LRRTM3: variants seen among roughly 807,000 people sequenced by gnomAD.
LRRTM3 encodes leucine-rich repeat transmembrane neuronal protein 3.
Under a neutral mutation model 44.7 loss-of-function variants are expected in LRRTM3, and 24 were observed. The observed-to-expected ratio is 0.54, with a 90% CI of 0.39 to 0.76. The LOEUF is 0.76. Among genes scored for constraint, LRRTM3 ranks in the 30% least tolerant of loss-of-function variants. The pLI is 0.00. For synonymous variants in LRRTM3, 277 were observed against 278.7 expected (o/e 0.99, Z 0.06); for missense variants, 587 against 702.2 (o/e 0.84, Z 1.85).
At chr10:66,943,532 T>C (rs1848129008) in intron 2 of LRRTM3, among the ~76,000 whole-genome samples, 1 of 139,570 alleles carries the variant, frequency 7.2e-6, no homozygotes, top group Non-Finnish European at 1.6e-5. Context: ...TTTTTTTTTT[T>C]CAGTATTAGC....
At chr10:67,037,515 G>C (rs1005469047) in intron 2 of LRRTM3, among the ~76,000 whole-genome samples, 1 of 152,242 alleles carries the variant, frequency 6.6e-6, no homozygotes. Context: ...TTAGGTAGAG[G>C]AGTGATCATC....
At chr10:67,039,100 C>G (rs1854243280) in intron 2 of LRRTM3, among the ~76,000 whole-genome samples, 1 of 151,982 alleles carries the variant, frequency 6.6e-6, no homozygotes, top group Non-Finnish European at 1.5e-5. Flanking sequence ...GTCATTTGCT[C>G]TATAATAATA....
intron 2 of LRRTM3, among the ~76,000 whole-genome samples, chr10:67,022,049 T>C (rs1853051812): frequency 6.6e-6 from 1 of 152,208 alleles, no homozygotes; most frequent in African/African-American, 2.4e-5. Flanking sequence ...GTACGAAGTG[T>C]ATTTCTGAAG....
intron 2 of LRRTM3, among the ~76,000 whole-genome samples, chr10:67,020,999 C>T (rs1852975695): frequency 6.6e-6 from 1 of 152,112 alleles, no homozygotes; most frequent in South Asian, 2.1e-4. Flanking sequence ...GTCTGAGATA[C>T]CAACTGAAGA....
chr10:66,949,094 T>C (rs370926541), intron 2 of LRRTM3, among the ~76,000 whole-genome samples: 2 of 152,248 alleles, frequency 1.3e-5, no homozygotes, highest in Non-Finnish European at 2.9e-5. Flanking sequence ...ATAATCTGCA[T>C]TGATAACATT....
At chr10:67,095,066 G>A (rs61868862) in intron 2 of LRRTM3, among the ~76,000 whole-genome samples, 82,436 of 150,256 alleles carry the variant, frequency 0.55, 24,185 homozygotes, top group African/African-American at 0.77. Context: ...ATCTGTATGT[G>A]TGTACCCCTA....
rs139302041 is a variant in LRRTM3 at position 67,100,695 on chromosome 10, G to T, written c.*2899G>T. On this transcript the variant is annotated 3_prime_UTR_variant, in exon 3 of 3. Coordinates refer to ENST00000361320, the MANE Select transcript of LRRTM3 (RefSeq NM_178011.5). ...ATGGTTACAATAACAGCCAGCAGCT[G>T]CAGCAAACCATAAAGTTATGCAGTG... Among the ~76,000 whole-genome samples the T allele has an allele frequency of 3.3e-5, 5 of 151,736 alleles. No individual in the cohort carries two copies. The highest frequency in any genetic ancestry group is 9.6e-5 in the African/African-American group (4 of 41,488).
At chr10:67,049,844 A>G (rs1355952928) in intron 2 of LRRTM3, among the ~76,000 whole-genome samples, 11 of 152,222 alleles carry the variant, frequency 7.2e-5, no homozygotes, top group Admixed American at 1.3e-4. Flanking sequence ...TATTACAAAT[A>G]TAGTAATATA....
chr10:67,020,340 C>A (rs1011988030), intron 2 of LRRTM3, among the ~76,000 whole-genome samples: 2 of 152,104 alleles, frequency 1.3e-5, no homozygotes, highest in South Asian at 4.1e-4. Context: ...AGCACAAGGG[C>A]TTCTTTATAT....
At chr10:66,979,830 TG>T (rs1249351702) in intron 2 of LRRTM3, among the ~76,000 whole-genome samples, 1 of 152,162 alleles carries the variant, frequency 6.6e-6, no homozygotes, top group African/African-American at 2.4e-5. Context: ...TTGAAAGAAC[TG>T]ACATTTCCTG....
Position 66,954,145 on chromosome 10 carries a change from A to G in LRRTM3, c.1536+25693A>G, listed in dbSNP as rs529338894. Among the ~76,000 whole-genome samples, 7 of 152,286 alleles carry G rather than the reference A, an allele frequency of 4.6e-5. No homozygotes were observed. In the South Asian group the frequency reaches 1.2e-3, roughly 27 times the overall value. On this transcript the variant is annotated intron_variant, in intron 2 of 2. Transcript: ENST00000361320. Reference sequence around the variant, plus strand: ...AAATCCAGCCTCTTCTAAACATAAAATATTTATTTAAAATAAAGTTTCTAG... The same window carrying G: ...AAATCCAGCCTCTTCTAAACATAAAGTATTTATTTAAAATAAAGTTTCTAG...
chr10:67,005,269 A>G (rs1301042645), intron 2 of LRRTM3, among the ~76,000 whole-genome samples: 3 of 152,086 alleles, frequency 2.0e-5, no homozygotes. Context: ...TCTGCCCCTT[A>G]CTAATTTTCA....
chr10:67,031,620 A>C (rs1047310079), intron 2 of LRRTM3, among the ~76,000 whole-genome samples: 6 of 152,206 alleles, frequency 3.9e-5, no homozygotes, highest in African/African-American at 1.2e-4. Flanking sequence ...ATTAGAACTT[A>C]AGTGTTGGAG....
At chr10:67,041,798 A>T (rs930703808) in intron 2 of LRRTM3, among the ~76,000 whole-genome samples, 1 of 152,146 alleles carries the variant, frequency 6.6e-6, no homozygotes, top group African/African-American at 2.4e-5. Flanking sequence ...AGAATTCAGT[A>T]AGGAAAGAAT....
chr10:67,051,180 TG>T (rs1855066494), intron 2 of LRRTM3, among the ~76,000 whole-genome samples: 1 of 152,224 alleles, frequency 6.6e-6, no homozygotes. Flanking sequence ...TCTCATTACC[TG>T]GGTGAATTAT....
At chr10:67,054,615 G>A (rs1250209460) in intron 2 of LRRTM3, 1 of 152,118 alleles carries the variant, frequency 6.6e-6, no homozygotes, top group African/African-American at 2.4e-5. Context: ...CTTCCTTCCA[G>A]GTTCAATATG....
At chr10:67,022,478 C>G (rs964490600) in intron 2 of LRRTM3, among the ~76,000 whole-genome samples, 4 of 151,870 alleles carry the variant, frequency 2.6e-5, no homozygotes, top group African/African-American at 9.7e-5. Flanking sequence ...TTTTCACAGA[C>G]TAATAAAAAT....
intron 2 of LRRTM3, among the ~76,000 whole-genome samples, chr10:66,957,531 T>C (rs754835323): frequency 5.3e-5 from 8 of 150,526 alleles, no homozygotes; most frequent in Admixed American, 4.6e-4. Context: ...GGGAAGGACA[T>C]TAGAATAGGG....
At chr10:66,951,833 G>A (rs1021152207) in intron 2 of LRRTM3, among the ~76,000 whole-genome samples, 4 of 152,108 alleles carry the variant, frequency 2.6e-5, no homozygotes, top group Non-Finnish European at 4.4e-5. Context: ...ACAGAGATAG[G>A]CTCATCTCAC....
Sources: gnomAD v4.1 joint callset for allele counts (sites outside exome capture counted in the v4.1 genomes callset) on GRCh38, gnomAD v4.1.1 for gene constraint, MANE v1.5 for transcripts, NCBI Gene and HGNC (gene_info 2026-07-23, HGNC 2026-07-21) for gene names.